THADA: variants seen among roughly 807,000 people sequenced by gnomAD.
THADA encodes the protein THADA armadillo repeat containing, also known as tRNA (32-2'-O)-methyltransferase regulator THADA.
Under a neutral mutation model 219.8 loss-of-function variants are expected in THADA, and 213 were observed. That is an observed-to-expected ratio of 0.97 (90% CI 0.87 to 1.09). THADA has a LOEUF of 1.09. Among genes scored for constraint, THADA ranks in the 50% least tolerant of loss-of-function variants. The probability of loss-of-function intolerance (pLI) is 0.00; values close to 1 mark genes in which losing one functional copy is unlikely to be tolerated. For missense variants in THADA, 2,956 were observed against 2,311.3 expected, an observed-to-expected ratio of 1.28 and a Z score of -5.72; for synonymous variants, 1,018 against 828.9, an observed-to-expected ratio of 1.23 and a Z score of -3.92.
chr2:43,258,915 C>T (rs777528668), intron 36 of THADA, among the ~76,000 whole-genome samples: 7 of 152,172 alleles, frequency 4.6e-5, no homozygotes, highest in African/African-American at 7.2e-5. Flanking sequence ...AGTAACTCTA[C>T]ACAGGGCTCA....
chr2:43,557,184 GTTT>G (rs1274533471), intron 16 of THADA, among the ~76,000 whole-genome samples: 1 of 152,154 alleles, frequency 6.6e-6, no homozygotes, highest in Non-Finnish European at 1.5e-5. Context: ...ATATAGGTGA[GTTT>G]TTTATTACAG....
At position 43,506,224 on chromosome 2, in the gene THADA, G is replaced by A. The variant is rs532150603; in HGVS notation, c.3508-489C>T. ...CTTCACAAAAGAATCATTACTTGGA[G>A]GACTAATCAAATCAAAGCATTTGAA... is the stretch of plus-strand genomic sequence containing the variant. On this transcript the variant is annotated intron_variant, in intron 23 of 37. Coordinates refer to ENST00000405975, the MANE Select transcript of THADA (RefSeq NM_022065.5). Among the ~76,000 whole-genome samples, 10 of 152,230 alleles carry A rather than the reference G, an allele frequency of 6.6e-5. No homozygotes were observed. In the South Asian group the frequency reaches 2.1e-3, roughly 32 times the overall value.
At chr2:43,365,216 C>T (rs1209030383) in intron 29 of THADA, among the ~76,000 whole-genome samples, 29 of 152,012 alleles carry the variant, frequency 1.9e-4, no homozygotes, top group Admixed American at 1.7e-3. Context: ...TGAGCCACTG[C>T]GCCTGGCCTC....
Position 43,361,955 on chromosome 2 carries a change from T to C in THADA, c.4228-17718A>G, listed in dbSNP as rs17030720. Among the ~76,000 whole-genome samples, 1,060 of 152,344 alleles carry C rather than the reference T, an allele frequency of 7.0e-3. 12 individuals are homozygous for C. The highest frequency in any genetic ancestry group is 0.023 in the African/African-American group (944 of 41,596). ...GTTTATTCTTGATATTCTTTCCAAC[T>C]GAGACTGCTCCATAAATTCACATAT... On this transcript the variant is annotated intron_variant, in intron 29 of 37. Transcript: ENST00000405975.
chr2:43,509,114 A>G (rs1057294019), intron 22 of THADA, among the ~76,000 whole-genome samples: 1 of 152,224 alleles, frequency 6.6e-6, no homozygotes, highest in Non-Finnish European at 1.5e-5. Context: ...AAGATTTCCA[A>G]CAAAGAGAAT....
In THADA at chr2:43,521,966, TGAG is replaced by T. The variant is rs1187524947; in HGVS notation, c.3374+5910_3374+5912del. Among the ~76,000 whole-genome samples, 6 of 152,228 alleles carry T rather than the reference TGAG, an allele frequency of 3.9e-5. No homozygotes were observed. The East Asian group carries it at 1.2e-3, about 29-fold the overall frequency. ...TTTAACTTATATTACTATTGCTAAC[TGAG>T]AAATGTCACCTTCATTTCCTCAAAC... On this transcript the variant is annotated intron_variant, in intron 22 of 37. Transcript: ENST00000405975.
intron 25 of THADA, among the ~76,000 whole-genome samples, chr2:43,490,622 C>T (rs893619159): frequency 6.6e-6 from 1 of 152,084 alleles, no homozygotes; most frequent in Admixed American, 6.5e-5. Context: ...TACAATGGTC[C>T]TCCCTCATTA....
intron 36 of THADA, among the ~76,000 whole-genome samples, chr2:43,261,216 C>CGTTT: frequency 1.3e-5 from 1 of 77,168 alleles, no homozygotes; most frequent in East Asian, 3.9e-4. Flanking sequence ...TTGTGCATTT[C>CGTTT]TTTTTTTTTT....
At chr2:43,542,071 C>A (rs778606770) in intron 20 of THADA, among the ~76,000 whole-genome samples, 1 of 152,086 alleles carries the variant, frequency 6.6e-6, no homozygotes, top group Non-Finnish European at 1.5e-5. Context: ...CTATAATTAG[C>A]CTTACTTACT....
At chr2:43,457,788 A>G (rs1340101496) in intron 26 of THADA, among the ~76,000 whole-genome samples, 1 of 152,066 alleles carries the variant, frequency 6.6e-6, no homozygotes, top group African/African-American at 2.4e-5. Flanking sequence ...TTTAAGTCCA[A>G]TTTCATTCTT....
intron 31 of THADA, among the ~76,000 whole-genome samples, chr2:43,295,151 G>A (rs1321261192): frequency 6.6e-6 from 1 of 152,254 alleles, no homozygotes; most frequent in Non-Finnish European, 1.5e-5. Flanking sequence ...GGTTGAGGAT[G>A]CAGTGAGCCA....
chr2:43,424,716 T>C (rs1000493284), intron 28 of THADA, among the ~76,000 whole-genome samples: 1 of 152,226 alleles, frequency 6.6e-6, no homozygotes. Flanking sequence ...GGGTTTTCCC[T>C]GTGGTAGGCT....
chr2:43,581,988 T>C (rs1700513476), intron 7 of THADA, 60 bp from the exon 8 acceptor site: 2 of 1,268,080 alleles, frequency 1.6e-6, no homozygotes, highest in African/African-American at 3.0e-5. Context: ...TGAACATTTC[T>C]AATTATCAGC....
intron 33 of THADA, 79 bp downstream of exon 33, chr2:43,292,025 T>C (rs902186483): frequency 2.0e-6 from 2 of 979,106 alleles, no homozygotes; most frequent in African/African-American, 1.6e-5. Context: ...GAGGGCAGGA[T>C]TGTGTGCAAG....
chr2:43,250,503 C>T (rs1669706472), intron 36 of THADA, among the ~76,000 whole-genome samples: 2 of 152,044 alleles, frequency 1.3e-5, no homozygotes, highest in South Asian at 4.1e-4. Context: ...GTACTAAACG[C>T]TACTGGAACT....
chr2:43,320,500 T>C lies in THADA; in HGVS notation c.4384A>G (p.Ile1462Val). 6.2e-7 allele frequency: 1 copy of C among 1,613,744 alleles called. No homozygotes were observed. The highest frequency in any genetic ancestry group is 8.5e-7 in the Non-Finnish European group (1 of 1,179,758). Residue 1462 changes from isoleucine to valine, a missense_variant, in exon 31 of 38, where the codon ATT becomes GTT. Transcript: ENST00000405975. ...AGGCAGCAAGTCAATAGGAAGAGAA[T>C]ATCAATATATACAGCTCTGGTCACC... Reference protein sequence around the residue: ...CLVTRAVYIDILFLLTCCLNR... With the variant: ...CLVTRAVYIDVLFLLTCCLNR...
chr2:43,562,200 G>GT (rs1698148392), intron 15 of THADA: 2 of 152,168 alleles, frequency 1.3e-5, no homozygotes, highest in South Asian at 4.2e-4. Flanking sequence ...TTGGTCTTTG[G>GT]TTTTTTCTTT....
Position 43,551,706 on chromosome 2 carries a change from G to A in THADA, c.2947+83C>T, listed in dbSNP as rs1004987320. ...AACTTAGCTTTTATATCTCCCCAAA[G>A]AAATACTTGGGGAAAAAAAAAAAGA... On this transcript the variant is annotated intron_variant, in intron 19 of 37. Transcript: ENST00000405975. 3.9e-6 allele frequency: 5 copies of A among 1,286,566 alleles called. No homozygotes were observed. The African/African-American group carries it at 5.2e-5, about 13-fold the overall frequency. 79.7% of individuals were successfully genotyped at this position (1,286,566 alleles called of 1,614,324 possible).
intron 34 of THADA, among the ~76,000 whole-genome samples, chr2:43,289,376 C>T (rs972242353): frequency 6.6e-6 from 1 of 152,220 alleles, no homozygotes; most frequent in African/African-American, 2.4e-5. Context: ...TGGGCATCTA[C>T]GCAACTAACA....
Sources: gnomAD v4.1 joint callset for allele counts (sites outside exome capture counted in the v4.1 genomes callset) on GRCh38, gnomAD v4.1.1 for gene constraint, MANE v1.5 for transcripts, NCBI Gene and HGNC (gene_info 2026-07-23, HGNC 2026-07-21) for gene names.